Variants in GAS7 observed in about 807,000 individuals in gnomAD.
The protein encoded by GAS7 is growth arrest-specific protein 7.
GAS7 carries 28 observed loss-of-function variants against 71.1 expected under a neutral mutation model. That is an observed-to-expected ratio of 0.39 (90% confidence interval 0.29 to 0.54). The LOEUF (loss-of-function observed/expected upper bound fraction) is 0.54. Among genes scored for constraint, GAS7 ranks in the 20% least tolerant of loss-of-function variants. GAS7 has a pLI of 0.62. For synonymous variants in GAS7, 258 were observed against 245.8 expected, an observed-to-expected ratio of 1.05 and a Z score of -0.46; for missense variants, 436 against 627.8, an observed-to-expected ratio of 0.69 and a Z score of 3.27.
intron 1 of GAS7, among the ~76,000 whole-genome samples, chr17:10,185,715 A>T (rs936009311): frequency 2.0e-5 from 3 of 152,128 alleles, no homozygotes; most frequent in African/African-American, 7.2e-5. Context: ...AGCCTGTAGG[A>T]TCTGACTCCA....
At chr17:10,196,456 T>C (rs906572549) in intron 1 of GAS7, among the ~76,000 whole-genome samples, 3 of 152,164 alleles carry the variant, frequency 2.0e-5, no homozygotes, top group African/African-American at 7.2e-5. Flanking sequence ...TCAGGAATGG[T>C]CTGAGAGGCC....
chr17:10,065,774 T>G (rs1400150435), intron 1 of GAS7, among the ~76,000 whole-genome samples: 1 of 152,206 alleles, frequency 6.6e-6, no homozygotes, highest in Admixed American at 6.5e-5. Flanking sequence ...TCAGGCCAAG[T>G]TGGACCATGG....
At chr17:10,158,295 G>A (rs2074220473) in intron 1 of GAS7, among the ~76,000 whole-genome samples, 1 of 147,174 alleles carries the variant, frequency 6.8e-6, no homozygotes. Flanking sequence ...TTACAGGCGT[G>A]AGCCACCGCA....
intron 8 of GAS7, among the ~76,000 whole-genome samples, chr17:9,934,796 C>A (rs779262987): frequency 2.6e-5 from 4 of 152,226 alleles, no homozygotes; most frequent in Non-Finnish European, 5.9e-5. Flanking sequence ...AGTACAATGG[C>A]GCGATCTTGG....
chr17:10,059,375 G>A (rs1171606918), intron 1 of GAS7, among the ~76,000 whole-genome samples: 1 of 152,144 alleles, frequency 6.6e-6, no homozygotes, highest in Non-Finnish European at 1.5e-5. Context: ...TAAATCCCCG[G>A]AAATCAAGAA....
intron 2 of GAS7, among the ~76,000 whole-genome samples, chr17:10,008,191 C>T (rs1031009378): frequency 7.4e-6 from 1 of 134,800 alleles, no homozygotes; most frequent in Non-Finnish European, 1.5e-5. Context: ...CTGAACTGAG[C>T]ATGCATGCAC....
chr17:10,009,278 G>A (rs1425935510), intron 2 of GAS7, among the ~76,000 whole-genome samples: 18 of 136,152 alleles, frequency 1.3e-4, no homozygotes, highest in Middle Eastern at 4.1e-3. Flanking sequence ...CCGAGATCCC[G>A]CCACTGCACT....
At chr17:10,147,326 G>C (rs2074129383) in intron 1 of GAS7, among the ~76,000 whole-genome samples, 1 of 152,164 alleles carries the variant, frequency 6.6e-6, no homozygotes, top group African/African-American at 2.4e-5. Flanking sequence ...GGGCTTGGGT[G>C]GGGGCAGAGG....
chr17:10,039,790 A>G (rs1341191682), intron 1 of GAS7: 1 of 455,922 alleles, frequency 2.2e-6, no homozygotes, highest in Admixed American at 2.4e-5. Context: ...TGACACAGCC[A>G]GCATCCTAAT....
intron 1 of GAS7, among the ~76,000 whole-genome samples, chr17:10,098,162 C>G (rs367822553): frequency 8.0e-4 from 122 of 152,308 alleles, no homozygotes; most frequent in African/African-American, 2.6e-3. Context: ...CCCTTTTCTT[C>G]TCTCCAGGAG....
intron 1 of GAS7, chr17:10,036,871 G>T: frequency 3.0e-6 from 1 of 331,246 alleles, no homozygotes; most frequent in Non-Finnish European, 4.7e-6. Flanking sequence ...CCACCCCCAG[G>T]CCTGTGGACA....
intron 1 of GAS7, among the ~76,000 whole-genome samples, chr17:10,104,488 G>A (rs142715230): frequency 6.6e-6 from 1 of 152,208 alleles, no homozygotes; most frequent in East Asian, 1.9e-4. Flanking sequence ...TATTCCCAAT[G>A]ACTCTAAATT....
chr17:10,174,872 G>C (rs984438166), intron 1 of GAS7, among the ~76,000 whole-genome samples: 5 of 152,024 alleles, frequency 3.3e-5, no homozygotes, highest in African/African-American at 2.4e-5. Context: ...CTGAGACAGG[G>C]TCTCACTCTG....
intron 3 of GAS7, among the ~76,000 whole-genome samples, chr17:9,972,309 T>G (rs1430808943): frequency 6.6e-6 from 1 of 152,072 alleles, no homozygotes. Flanking sequence ...CCAAGGAGAA[T>G]CCACTCTGAC....
chr17:10,124,254 A>G (rs997305741), intron 1 of GAS7, among the ~76,000 whole-genome samples: 2 of 152,232 alleles, frequency 1.3e-5, no homozygotes, highest in Admixed American at 6.5e-5. Flanking sequence ...ATGACAGTCC[A>G]GAGCCCAGTG....
rs376434832 is a variant in GAS7 at position 9,912,351 on chromosome 17, G to A, written c.*4877C>T. 2.1e-5 allele frequency: 5 copies of A among 232,820 alleles called. No individual in the cohort carries two copies. Among genetic ancestry groups the A allele is most frequent in the African/African-American group, 6.6e-5 (3 of 45,324 alleles). The allele number at this position is 232,820 out of a possible 1,614,324, so 14.4% of individuals were successfully genotyped here. ...AAGGGAGGAGGTACATGCAGTTGCC[G>A]GTGGCCTGAGACACTCATCTAGAAC... On this transcript the variant is annotated 3_prime_UTR_variant, in exon 14 of 14. Coordinates refer to ENST00000432992, the MANE Select transcript of GAS7 (RefSeq NM_201433.2).
chr17:10,147,053 C>T (rs563642965), intron 1 of GAS7, among the ~76,000 whole-genome samples: 44 of 152,136 alleles, frequency 2.9e-4, no homozygotes, highest in Non-Finnish European at 5.6e-4. Flanking sequence ...TGTGGGCATT[C>T]GAAATTGAGA....
intron 1 of GAS7, among the ~76,000 whole-genome samples, chr17:10,040,618 G>A (rs957439196): frequency 1.3e-5 from 2 of 148,242 alleles, no homozygotes; most frequent in Admixed American, 6.8e-5. Context: ...ATAAAAACAA[G>A]AGAAAGGCAA....
At position 9,910,719 on chromosome 17, in the gene GAS7, G is replaced by C. The variant is rs528340023; in HGVS notation, c.*6509C>G. The stretch of plus-strand genomic sequence containing the variant: ...CTTCAGCATTAATACACACAAATGC[G>C]GTAACAGGGGTCAGGGGGGTGGTGC... On this transcript the variant is annotated 3_prime_UTR_variant, in exon 14 of 14. Coordinates refer to ENST00000432992, the MANE Select transcript of GAS7 (RefSeq NM_201433.2). 1.4e-5 allele frequency: 3 copies of C among 218,308 alleles called. No homozygotes were observed. The Admixed American group carries it at 1.7e-4, about 13-fold the overall frequency. 13.5% of individuals were successfully genotyped at this position (218,308 alleles called of 1,614,324 possible). A position where few individuals can be genotyped will look rare whatever the true frequency, so the allele number is the denominator to read the frequency against.
Sources: gnomAD v4.1 joint callset for allele counts (sites outside exome capture counted in the v4.1 genomes callset) on GRCh38, gnomAD v4.1.1 for gene constraint, MANE v1.5 for transcripts, NCBI Gene and HGNC (gene_info 2026-07-23, HGNC 2026-07-21) for gene names.